TACC2: variants seen among roughly 807,000 people sequenced by gnomAD.
The protein encoded by TACC2 is transforming acidic coiled-coil-containing protein 2.
A neutral mutation model predicts 227.3 loss-of-function variants in TACC2; 137 were observed. That is an observed-to-expected ratio of 0.60 (90% CI 0.52 to 0.69). The LOEUF is 0.69. TACC2 is among the 30% of genes least tolerant of loss of function. TACC2 has a pLI of 0.00. For missense variants in TACC2, 3,470 were observed against 3,694.4 expected (o/e 0.94, Z 1.57); for synonymous variants, 1,523 against 1,487.5 (o/e 1.02, Z -0.55).
At chr10:122,212,246 G>A (rs1021875440) in intron 9 of TACC2, among the ~76,000 whole-genome samples, 1 of 152,194 alleles carries the variant, frequency 6.6e-6, no homozygotes, top group Non-Finnish European at 1.5e-5. Context: ...CAACCAGCCC[G>A]TAAGAAACAC....
intron 3 of TACC2, among the ~76,000 whole-genome samples, chr10:122,071,356 G>A (rs1313502887): frequency 6.6e-6 from 1 of 152,216 alleles, no homozygotes; most frequent in Non-Finnish European, 1.5e-5. Context: ...GAGTACTGGT[G>A]TGCAACAACC....
At chr10:122,081,784 C>T (rs1019741789) in intron 3 of TACC2, among the ~76,000 whole-genome samples, 3 of 152,156 alleles carry the variant, frequency 2.0e-5, no homozygotes, top group Non-Finnish European at 2.9e-5. Context: ...ACATAGGTCA[C>T]GTGCGGAAAT....
intron 1 of TACC2, among the ~76,000 whole-genome samples, chr10:121,993,708 C>T (rs1953136962): frequency 6.6e-6 from 1 of 152,204 alleles, no homozygotes; most frequent in Non-Finnish European, 1.5e-5. Context: ...TCACCGCAAC[C>T]TCAACCGCCC....
At chr10:122,253,078 G>T (rs1000364200) in intron 22 of TACC2, among the ~76,000 whole-genome samples, 4 of 152,180 alleles carry the variant, frequency 2.6e-5, no homozygotes, top group Non-Finnish European at 4.4e-5. Context: ...CGTGGCTCTG[G>T]GCTGGAACAT....
intron 17 of TACC2, 56 bp from the exon 18 acceptor site, chr10:122,237,905 C>T (rs2095890993): frequency 1.5e-6 from 2 of 1,321,362 alleles, no homozygotes; most frequent in African/African-American, 2.9e-5. Flanking sequence ...ATGAATTGCT[C>T]AGAGCTGAAT....
At chr10:122,115,899 C>A (rs1325324553) in intron 5 of TACC2, among the ~76,000 whole-genome samples, 1 of 152,110 alleles carries the variant, frequency 6.6e-6, no homozygotes, top group Non-Finnish European at 1.5e-5. Flanking sequence ...GCAATAAAAT[C>A]AGTAACTAGT....
At chr10:122,226,271 T>TTTCCCTG (rs2095626557) in intron 12 of TACC2, 95 bp from the exon 13 acceptor site, 8 of 807,300 alleles carry the variant, frequency 9.9e-6, no homozygotes, top group Middle Eastern at 2.4e-4. Context: ...CCTGATGGGT[T>TTTCCCTG]ATTTGTTCTC....
At chr10:122,027,734 C>A (rs2943760) in intron 2 of TACC2, among the ~76,000 whole-genome samples, 76,852 of 150,960 alleles carry the variant, frequency 0.51, 21,377 homozygotes, top group African/African-American at 0.75. Flanking sequence ...CATCTCTACA[C>A]AATACTTTCT....
intron 5 of TACC2, among the ~76,000 whole-genome samples, chr10:122,104,607 C>T (rs2082539308): frequency 6.6e-6 from 1 of 152,172 alleles, no homozygotes; most frequent in African/African-American, 2.4e-5. Context: ...CTGACTCCAA[C>T]TGATCCTCCT....
rs867332363 is a variant in TACC2 at position 122,192,623 on chromosome 10, C to T, written c.5835-2417C>T. On this transcript the variant is annotated intron_variant, in intron 7 of 22. Coordinates refer to ENST00000369005, the MANE Select transcript of TACC2 (RefSeq NM_206862.4). ...GAAAGAGATTTAGGTCCAAGAGATA[C>T]GAGCAGGGGAATTAGGGGTGGGAAT... The T allele has an allele frequency of 4.9e-5, 22 of 447,262 alleles. 2 individuals carry two copies. In the Middle Eastern group the frequency reaches 1.3e-3, roughly 27 times the overall value. The allele number at this position is 447,262 out of a possible 1,614,324, so 27.7% of individuals were successfully genotyped here. A position where few individuals can be genotyped will look rare whatever the true frequency, so the allele number is the denominator to read the frequency against.
In TACC2 at chr10:122,077,965, C is replaced by T. The variant is rs544551631; in HGVS notation, c.147-4682C>T. 4.2e-3 allele frequency among the ~76,000 whole-genome samples: 638 copies of T among 152,094 alleles called. 10 individuals carry two copies. The highest frequency in any genetic ancestry group is 0.027 in the Middle Eastern group (8 of 294). On this transcript the variant is annotated intron_variant, in intron 3 of 22. Coordinates refer to ENST00000369005, the MANE Select transcript of TACC2 (RefSeq NM_206862.4). ...ATCCCAACACTTTGGGAGGCCGAGG[C>T]GGGCAGATCACCTGAAGTCAGGAGT...
intron 16 of TACC2, among the ~76,000 whole-genome samples, chr10:122,231,012 C>T (rs962913149): frequency 7.2e-5 from 11 of 152,146 alleles, no homozygotes; most frequent in African/African-American, 1.7e-4. Flanking sequence ...CCTTGTGGGC[C>T]GTACTGTCTG....
chr10:122,162,002 T>C (rs1259841154), intron 7 of TACC2, among the ~76,000 whole-genome samples: 1 of 152,182 alleles, frequency 6.6e-6, no homozygotes, highest in Non-Finnish European at 1.5e-5. Flanking sequence ...TGACATCCAA[T>C]GCTGACAGTG....
At chr10:121,991,536 T>C (rs749856377) in intron 1 of TACC2, among the ~76,000 whole-genome samples, 9 of 152,230 alleles carry the variant, frequency 5.9e-5, no homozygotes, top group Non-Finnish European at 1.2e-4. Flanking sequence ...TTTTTGCTAA[T>C]TAATGAATGA....
At chr10:122,218,800 G>A (rs200329820) in intron 11 of TACC2, among the ~76,000 whole-genome samples, 1 of 151,854 alleles carries the variant, frequency 6.6e-6, no homozygotes, top group East Asian at 1.9e-4. Context: ...GATCACATGA[G>A]CTCAAGACCC....
chr10:122,131,595 G>A (rs1230219831), intron 5 of TACC2, among the ~76,000 whole-genome samples: 1 of 152,166 alleles, frequency 6.6e-6, no homozygotes, highest in Non-Finnish European at 1.5e-5. Context: ...CAAGGCTGGG[G>A]TTTCTCAACC....
intron 5 of TACC2, among the ~76,000 whole-genome samples, chr10:122,114,168 G>C (rs1347735444): frequency 1.3e-5 from 2 of 152,202 alleles, no homozygotes; most frequent in East Asian, 3.9e-4. Context: ...GTCACAGGAC[G>C]TGGGACATTG....
intron 1 of TACC2, among the ~76,000 whole-genome samples, chr10:122,005,532 T>C (rs1261003561): frequency 3.4e-5 from 5 of 148,788 alleles, no homozygotes; most frequent in Admixed American, 6.7e-5. Flanking sequence ...CTACAGGCGC[T>C]CACCACCACG....
chr10:122,139,456 T>G (rs2090207373), intron 6 of TACC2, among the ~76,000 whole-genome samples: 1 of 152,216 alleles, frequency 6.6e-6, no homozygotes, highest in Non-Finnish European at 1.5e-5. Context: ...CTTCTGATTT[T>G]GGCTTTGGGG....
Sources: gnomAD v4.1 joint callset for allele counts (sites outside exome capture counted in the v4.1 genomes callset) on GRCh38, gnomAD v4.1.1 for gene constraint, MANE v1.5 for transcripts, NCBI Gene and HGNC (gene_info 2026-07-23, HGNC 2026-07-21) for gene names.